Variants in CHD4 observed in about 807,000 individuals in gnomAD.
CHD4 encodes the protein ATP-dependent chromatin remodeler CHD4.
In CHD4, 35 loss-of-function variants were observed where a neutral mutation model predicts 235.5. The observed-to-expected ratio is 0.15, with a 90% CI of 0.11 to 0.20. CHD4 has a LOEUF of 0.20. Among genes scored for constraint, CHD4 ranks in the 10% least tolerant of loss-of-function variants. The pLI is 1.00. For synonymous variants in CHD4, 900 were observed against 850.2 expected (o/e 1.06, Z -1.02); for missense variants, 1,329 against 2,432.3 (o/e 0.55, Z 9.54).
rs778830438 is a variant in CHD4, at chr12:6,573,128, G to A, written c.5503C>T (p.Leu1835=). 2.5e-6 allele frequency: 4 copies of A among 1,611,408 alleles called. No homozygotes were observed. The African/African-American group carries it at 5.4e-5, about 22-fold the overall frequency. ...TTTCCTGCCATTGACTCCTTGGACAGGTGCTGATGACTTTCCGCCAAACAC... is the reference window on the plus strand; with the variant it reads ...TTTCCTGCCATTGACTCCTTGGACAAGTGCTGATGACTTTCCGCCAAACAC... ...VECLAESHQH[L]SKESMAGNKP... Residue 1835 remains leucine, a synonymous_variant, in exon 38 of 40, where the codon CTG becomes TTG. Transcript: ENST00000544040.
In CHD4 at chr12:6,598,354, T is replaced by G. The variant is rs568191723; in HGVS notation, c.1554A>C (p.Pro518=). 6.2e-7 allele frequency: 1 copy of G among 1,613,958 alleles called. No individual in the cohort carries two copies. Among genetic ancestry groups the G allele is most frequent in the Non-Finnish European group, 8.5e-7 (1 of 1,179,972 alleles). The change falls in exon 11 of 40, where the codon CCA becomes CCC. Residue 518 remains proline, a synonymous_variant. Coordinates refer to ENST00000544040, the MANE Select transcript of CHD4 (RefSeq NM_001273.5). ...WKWGQPPSPT[P]VPRPPDADPN... ...GATCAGCATCTGGAGGCCGAGGCAC[T>G]GGTGTGGGAGATGGTGGCTGACCCC...
Position 6,606,282 on chromosome 12 carries a change from G to A in CHD4, c.92C>T (p.Pro31Leu), listed in dbSNP as rs138912992. The A allele has an allele frequency of 6.3e-7, 1 of 1,575,666 alleles. No individual in the cohort carries two copies. The highest frequency in any genetic ancestry group is 1.8e-5 in the Admixed American group (1 of 55,422). Residue 31 changes from proline (P) to leucine (L), a missense_variant, in exon 2 of 40, where the codon CCC (proline) becomes CTC (leucine). Physicochemically the swap from Pro to Leu is moderately conservative, Grantham distance 98 (BLOSUM62 -3). Around this residue, in one of 26 missense-constraint regions of CHD4, gnomAD observed 213 missense variants for 177.5 expected, o/e 1.20. Coordinates refer to ENST00000544040, the MANE Select transcript of CHD4 (RefSeq NM_001273.5). Reference protein sequence around the residue: ...DALLNNSLPPPHPENEEDPEE... With the variant: ...DALLNNSLPPLHPENEEDPEE... ...CTTGGGGAAGATGTTACCTGGGTGG[G>A]GTGGGGGCAGGCTGTTGTTCAAAAG...
At chr12:6,607,136 A>C (rs1249191413) in intron 1 of CHD4, 164 bp downstream of exon 1, 2 of 147,974 alleles carry the variant, frequency 1.4e-5, no homozygotes, top group Admixed American at 1.3e-4. Flanking sequence ...GCTGGGGAGG[A>C]GGCCGGGCGC....
At chr12:6,580,704 GA>G (rs57266458) in intron 33 of CHD4, 4,102 of 43,440 alleles carry the variant, frequency 0.094, 53 homozygotes, top group East Asian at 0.24. Context: ...AAACTCCTTT[GA>G]AAAAAAAAAA....
chr12:6,591,994 G>A lies in CHD4; in HGVS notation c.3012C>T (p.Asn1004=), dbSNP rs1339885078. Residue 1004 remains asparagine (N), a synonymous_variant, in exon 20 of 40, where the codon AAC becomes AAT. Coordinates refer to ENST00000544040, the MANE Select transcript of CHD4 (RefSeq NM_001273.5). The stretch of plus-strand genomic sequence containing the variant: ...TCACCACATTCAGCAGAGACACCTG[G>A]TTGCCACCACCTCGGGCATTGAGTG... The part of the protein sequence containing the change: ...FEALNARGGG[N]QVSLLNVVMD... 25 of 1,614,100 alleles carry A rather than the reference G, an allele frequency of 1.5e-5. No homozygotes were observed. Among genetic ancestry groups the A allele is most frequent in the Non-Finnish European group, 1.9e-5 (23 of 1,180,054 alleles).
intron 37 of CHD4, among the ~76,000 whole-genome samples, chr12:6,577,139 C>G (rs1450623777): frequency 2.0e-5 from 3 of 152,172 alleles, no homozygotes; most frequent in African/African-American, 4.8e-5. Flanking sequence ...AAGAACCAGG[C>G]CAGGCATGGT....
intron 33 of CHD4, 132 bp from the exon 34 acceptor site, chr12:6,579,049 T>C: frequency 1.3e-6 from 1 of 766,116 alleles, no homozygotes; most frequent in Non-Finnish European, 2.2e-6. Flanking sequence ...GCATGGTGGC[T>C]CATGCCTGTA....
At chr12:6,600,740 T>C (rs1592281927) in intron 7 of CHD4, 71 bp from the exon 8 acceptor site, 1 of 1,568,616 alleles carries the variant, frequency 6.4e-7, no homozygotes. Flanking sequence ...GAGAGGGGAG[T>C]ACTCTCTCAC....
intron 33 of CHD4, chr12:6,580,832 C>A: frequency 3.5e-6 from 2 of 566,804 alleles, no homozygotes; most frequent in Middle Eastern, 4.7e-4. Context: ...CATGGTGAAA[C>A]CCTGTCTCTA....
intron 30 of CHD4, 39 bp downstream of exon 30, chr12:6,582,098 T>C (rs1378164967): frequency 2.0e-6 from 3 of 1,516,972 alleles, no homozygotes; most frequent in South Asian, 1.3e-5. Context: ...CCACTGCGCC[T>C]GGCCCCCTAG....
intron 10 of CHD4, among the ~76,000 whole-genome samples, chr12:6,599,258 C>T (rs576931389): frequency 6.6e-6 from 1 of 152,098 alleles, no homozygotes; most frequent in Admixed American, 6.5e-5. Context: ...ATAGTGAGAC[C>T]CTGTCTCAAC....
chr12:6,592,971 G>A, intron 17 of CHD4, 120 bp downstream of exon 17: 1 of 1,518,536 alleles, frequency 6.6e-7, no homozygotes, highest in East Asian at 2.3e-5. Flanking sequence ...CACATACAAG[G>A]AAGGAAGGCA....
intron 22 of CHD4, among the ~76,000 whole-genome samples, chr12:6,590,778 T>C (rs373917645): frequency 1.3e-5 from 2 of 152,022 alleles, no homozygotes; most frequent in East Asian, 3.9e-4. Context: ...AAGCCATGAT[T>C]GTGCCACTGC....
At chr12:6,589,323 T>C (rs1161385117) in intron 22 of CHD4, among the ~76,000 whole-genome samples, 1 of 152,028 alleles carries the variant, frequency 6.6e-6, no homozygotes, top group Admixed American at 6.6e-5. Context: ...GTCTCAAATA[T>C]CTCCCTCAAG....
chr12:6,581,536 G>A (rs1166261984), intron 31 of CHD4, 113 bp downstream of exon 31: 23 of 1,549,514 alleles, frequency 1.5e-5, no homozygotes, highest in Non-Finnish European at 1.9e-5. Flanking sequence ...AAACTGAGAG[G>A]GAATTGCTGT....
chr12:6,590,202 AAG>A (rs905113238), intron 22 of CHD4: 7 of 136,824 alleles, frequency 5.1e-5, no homozygotes, highest in African/African-American at 2.3e-4. Flanking sequence ...CATCCCGAAG[AAG>A]AAAAAAAATC....
In CHD4 at chr12:6,581,291, C is replaced by G; in HGVS notation, c.4779G>C (p.Glu1593Asp). The change falls in exon 32 of 40, where the codon GAG becomes GAC. Residue 1593 changes from glutamate to aspartate, a missense_variant and splice_region_variant. Transcript: ENST00000544040. ...GGCATTCAGTCACCCCATCTCTTAC[C>G]TCAATGGCAGTCTCAGGGGCTGTAG... is the stretch of plus-strand genomic sequence containing the variant. ...VKSTAPETAI[E>D]CTQAPAPASE... The G allele has an allele frequency of 6.2e-7, 1 of 1,614,194 alleles. No homozygotes were observed. The highest frequency in any genetic ancestry group is 8.5e-7 in the Non-Finnish European group (1 of 1,180,012).
At chr12:6,589,769 A>T (rs1207974711) in intron 22 of CHD4, among the ~76,000 whole-genome samples, 2 of 151,814 alleles carry the variant, frequency 1.3e-5, no homozygotes, top group African/African-American at 4.8e-5. Context: ...TTGTCTCAAA[A>T]AAAAAAAAAA....
At position 6,577,706 on chromosome 12, in the gene CHD4, G is replaced by A. The variant is rs1026698038; in HGVS notation, c.5361+79C>T. On this transcript the variant is annotated intron_variant, in intron 37 of 39. Coordinates refer to ENST00000544040, the MANE Select transcript of CHD4 (RefSeq NM_001273.5). ...GAAAGTGAGAACAGTGCGCTGGATGGACAGACTCCCTCTGCTGCAGGACGT... is the reference window on the plus strand; with the variant it reads ...GAAAGTGAGAACAGTGCGCTGGATGAACAGACTCCCTCTGCTGCAGGACGT... The A allele has an allele frequency of 3.2e-6, 5 of 1,572,450 alleles. No individual in the cohort carries two copies. The Middle Eastern group carries it at 6.7e-4, about 210-fold the overall frequency.
Sources: gnomAD v4.1 joint callset for allele counts (sites outside exome capture counted in the v4.1 genomes callset) on GRCh38, gnomAD v4.1.1 for gene constraint, gnomAD v4.1.1 regional missense constraint, MANE v1.5 for transcripts, NCBI Gene and HGNC (gene_info 2026-07-23, HGNC 2026-07-21) for gene names.